The following ATAT1 variants were observed in gnomAD, a reference collection of about 807,000 sequenced individuals.
The protein encoded by ATAT1 is alpha-tubulin N-acetyltransferase 1.
A neutral mutation model predicts 57.2 loss-of-function variants in ATAT1; 42 were observed. That is an observed-to-expected ratio of 0.73 (90% CI 0.57 to 0.95). ATAT1 has a LOEUF of 0.95. ATAT1 is among the 40% of genes least tolerant of loss of function. The pLI, the probability that ATAT1 is intolerant of heterozygous loss-of-function variation, is 0.00. For synonymous variants in ATAT1, 168 were observed against 187.1 expected, an observed-to-expected ratio of 0.90 and a Z score of 0.83; for missense variants, 454 against 523.7, an observed-to-expected ratio of 0.87 and a Z score of 1.30.
rs776765901 is a variant in ATAT1 at position 30,628,120 on chromosome 6, G to A, written c.374G>A (p.Arg125Gln). Reference sequence around the variant, plus strand: ...TCTGTGCAACGCCATGGCCATGGGCGAGAACTCTTCCAGTATATGTTGCAG... The same window carrying A: ...TCTGTGCAACGCCATGGCCATGGGCAAGAACTCTTCCAGTATATGTTGCAG... The change falls in exon 5 of 13, where the codon CGA (arginine) becomes CAA (glutamine). Residue 125 changes from arginine to glutamine, a missense_variant. Coordinates refer to ENST00000330083, the MANE Select transcript of ATAT1 (RefSeq NM_001031722.4). 25 of 1,612,800 alleles carry A rather than the reference G, an allele frequency of 1.6e-5. No homozygotes were observed. The highest frequency in any genetic ancestry group is 2.7e-5 in the African/African-American group (2 of 74,904).
chr6:30,646,020 C>G, intron 11 of ATAT1, 46 bp downstream of exon 11: 1 of 1,606,476 alleles, frequency 6.2e-7, no homozygotes, highest in Non-Finnish European at 8.5e-7. Flanking sequence ...AGGCCACATT[C>G]ACTGTCTACT....
rs557013004 is a variant in ATAT1, at chr6:30,643,223, A to C, written c.932+212A>C. 3.4e-5 allele frequency: 49 copies of C among 1,423,958 alleles called. 1 individual carries two copies. In the African/African-American group the frequency reaches 6.5e-4, roughly 19 times the overall value. The allele number at this position is 1,423,958 out of a possible 1,614,324, so 88.2% of individuals were successfully genotyped here. A position where few individuals can be genotyped will look rare whatever the true frequency, so the allele number is the denominator to read the frequency against. On this transcript the variant is annotated intron_variant, in intron 10 of 12. Transcript: ENST00000330083. ...ATAGGACCTTATATGGAGCCTAGGGACCCTGGCTTTAATGTGAGAGTTATG... is the reference window on the plus strand; with the variant it reads ...ATAGGACCTTATATGGAGCCTAGGGCCCCTGGCTTTAATGTGAGAGTTATG...
intron 6 of ATAT1, among the ~76,000 whole-genome samples, chr6:30,635,463 C>T (rs1763861464): frequency 6.6e-6 from 1 of 152,090 alleles, no homozygotes; most frequent in South Asian, 2.1e-4. Context: ...GTGGCTCATG[C>T]CTGTAATCCC....
At chr6:30,644,379 T>A in intron 10 of ATAT1, 1 of 985,882 alleles carries the variant, frequency 1.0e-6, no homozygotes, top group South Asian at 4.7e-5. Context: ...TGTGAGATTG[T>A]CGAGATGAGA....
intron 6 of ATAT1, among the ~76,000 whole-genome samples, chr6:30,639,637 C>T (rs923750285): frequency 2.0e-5 from 3 of 151,936 alleles, no homozygotes; most frequent in Admixed American, 1.3e-4. Context: ...CCACCACATC[C>T]GGCTAATTTT....
At chr6:30,646,267 C>T (rs527654378) in intron 12 of ATAT1, 158 bp downstream of exon 12, 1 of 1,458,298 alleles carries the variant, frequency 6.9e-7, no homozygotes, top group African/African-American at 1.4e-5. Context: ...AGCCCCTTTC[C>T]CCCACAGGTT....
intron 6 of ATAT1, among the ~76,000 whole-genome samples, chr6:30,633,157 T>G (rs968912843): frequency 6.6e-6 from 1 of 152,156 alleles, no homozygotes; most frequent in African/African-American, 2.4e-5. Flanking sequence ...TTTAGGACAA[T>G]GCCAAAGCCT....
At position 30,628,051 on chromosome 6, in the gene ATAT1, A is replaced by T; in HGVS notation, c.305A>T (p.Asn102Ile). Reference sequence around the variant, plus strand: ...TCTTAGGATGATCGTGAGGCTCATAATGAGGTAGAACCACTTTGCATCCTG... The same window carrying T: ...TCTTAGGATGATCGTGAGGCTCATATTGAGGTAGAACCACTTTGCATCCTG... Residue 102 changes from asparagine (N) to isoleucine (I), a missense_variant, in exon 5 of 13, where the codon AAT (asparagine) becomes ATT (isoleucine). Around this residue, in one of 3 missense-constraint regions of ATAT1, gnomAD observed 236 missense variants for 284.5 expected, o/e 0.83. Coordinates refer to ENST00000330083, the MANE Select transcript of ATAT1 (RefSeq NM_001031722.4). The T allele has an allele frequency of 6.2e-7, 1 of 1,613,010 alleles. No individual in the cohort carries two copies. The highest frequency in any genetic ancestry group is 8.5e-7 in the Non-Finnish European group (1 of 1,180,002).
Position 30,645,967 on chromosome 6 carries a change from C to T in ATAT1, c.1005C>T (p.Pro335=). 2 of 1,577,802 alleles carry T rather than the reference C, an allele frequency of 1.3e-6. No individual in the cohort carries two copies. The highest frequency in any genetic ancestry group is 1.7e-6 in the Non-Finnish European group (2 of 1,161,746). Residue 335 remains proline, a synonymous_variant, in exon 11 of 13, where the codon CCC becomes CCT. Transcript: ENST00000330083. ...ATGGGGGGGTGAATTCCTCATCCCC[C>T]AATACAGGTAAGTATTCACTCCTCC...
In ATAT1 at chr6:30,626,930, C is replaced by A; in HGVS notation, c.-274C>A. The A allele has an allele frequency of 1.2e-6, 2 of 1,609,664 alleles. No individual in the cohort carries two copies. The highest frequency in any genetic ancestry group is 2.2e-5 in the East Asian group (1 of 44,730). ...TGGACGCGCTGTTCCCGGAGCGGAT[C>A]ACGGTGCTGGACCAGCACCTGAGGC... On this transcript the variant is annotated 5_prime_UTR_variant, in exon 1 of 13. Transcript: ENST00000330083.
At chr6:30,631,945 G>A (rs748942138) in intron 6 of ATAT1, among the ~76,000 whole-genome samples, 2 of 152,166 alleles carry the variant, frequency 1.3e-5, no homozygotes, top group Non-Finnish European at 2.9e-5. Context: ...GGTAGGAGAT[G>A]AGACCAGAGA....
At chr6:30,633,723 C>A in intron 6 of ATAT1, 1 of 211,732 alleles carries the variant, frequency 4.7e-6, no homozygotes, top group Non-Finnish European at 1.1e-5. Flanking sequence ...GAAGAGACGC[C>A]CATGCTAACG....
intron 10 of ATAT1, chr6:30,644,310 T>G: frequency 1.0e-6 from 1 of 985,850 alleles, no homozygotes; most frequent in South Asian, 4.7e-5. Flanking sequence ...TGTTAGATCC[T>G]GGAATCCCTT....
chr6:30,645,652 C>T (rs1766576128), intron 10 of ATAT1, among the ~76,000 whole-genome samples: 1 of 152,226 alleles, frequency 6.6e-6, no homozygotes, highest in African/African-American at 2.4e-5. Flanking sequence ...AGATTTAACA[C>T]ATTACCTCAA....
At chr6:30,643,519 C>A (rs944000926) in intron 10 of ATAT1, 5 of 1,550,806 alleles carry the variant, frequency 3.2e-6, no homozygotes, top group Non-Finnish European at 3.5e-6. Context: ...TCCATAACAT[C>A]CTTCCACAGC....
chr6:30,630,600 C>T (rs1387949406), intron 6 of ATAT1, among the ~76,000 whole-genome samples: 1 of 151,710 alleles, frequency 6.6e-6, no homozygotes, highest in African/African-American at 2.4e-5. Context: ...TGCACCACTG[C>T]ACTCCAGCCT....
intron 10 of ATAT1, chr6:30,643,224 C>T: frequency 7.0e-7 from 1 of 1,420,848 alleles, no homozygotes; most frequent in Non-Finnish European, 9.2e-7. Flanking sequence ...AGCCTAGGGA[C>T]CCTGGCTTTA....
chr6:30,642,566 C>T (rs1463088538), intron 9 of ATAT1, among the ~76,000 whole-genome samples: 2 of 151,904 alleles, frequency 1.3e-5, no homozygotes, highest in Non-Finnish European at 2.9e-5. Context: ...TGGCTTGAAC[C>T]CAGGAGGCGG....
At position 30,643,287 on chromosome 6, in the gene ATAT1, G is replaced by A. The variant is rs117542244; in HGVS notation, c.932+276G>A. On this transcript the variant is annotated intron_variant, in intron 10 of 12. Transcript: ENST00000330083. ...AGAACACCGAGATCCATCGAGTTGG[G>A]GGAACAGAGCCTTCTAAGATTGGGA... 2.6e-3 allele frequency: 3,682 copies of A among 1,418,716 alleles called. 39 individuals carry two copies. The East Asian group carries it at 0.026, about 10-fold the overall frequency. The allele number at this position is 1,418,716 out of a possible 1,614,324, so 87.9% of individuals were successfully genotyped here.
Sources: gnomAD v4.1 joint callset for allele counts (sites outside exome capture counted in the v4.1 genomes callset) on GRCh38, gnomAD v4.1.1 for gene constraint, gnomAD v4.1.1 regional missense constraint, MANE v1.5 for transcripts, NCBI Gene and HGNC (gene_info 2026-07-23, HGNC 2026-07-21) for gene names.